SLCO1B1: variants seen among roughly 807,000 people sequenced by gnomAD.
SLCO1B1 encodes the protein solute carrier organic anion transporter family member 1B1.
Under a neutral mutation model 70.1 loss-of-function variants are expected in SLCO1B1, and 81 were observed. That is an observed-to-expected ratio of 1.16 (90% CI 0.97 to 1.39). The LOEUF (loss-of-function observed/expected upper bound fraction) is 1.39, where lower values mean the gene tolerates loss of function less well. Ranked by LOEUF, SLCO1B1 falls within the 40% of genes most tolerant of loss-of-function variation. SLCO1B1 has a pLI of 0.00. For missense variants in SLCO1B1, 895 were observed against 799.6 expected (o/e 1.12, Z -1.44); for synonymous variants, 283 against 271.5 (o/e 1.04, Z -0.42).
intron 8 of SLCO1B1, 144 bp from the exon 9 acceptor site, chr12:21,200,364 C>A: frequency 2.1e-6 from 1 of 478,842 alleles, no homozygotes; most frequent in Non-Finnish European, 3.7e-6. Context: ...TGTGAACAGC[C>A]TGTGGTATTG....
intron 1 of SLCO1B1, among the ~76,000 whole-genome samples, chr12:21,138,161 T>C (rs1201492319): frequency 1.3e-5 from 2 of 152,212 alleles, no homozygotes; most frequent in African/African-American, 4.8e-5. Context: ...TTTTCCTTTT[T>C]GCTCCTCAGT....
intron 11 of SLCO1B1, among the ~76,000 whole-genome samples, chr12:21,206,607 A>G (rs1339541816): frequency 6.6e-6 from 1 of 151,866 alleles, no homozygotes; most frequent in Admixed American, 6.6e-5. Flanking sequence ...TCTACCCAAG[A>G]TAATGTAGTA....
chr12:21,134,202 A>T (rs1940182113), intron 1 of SLCO1B1, among the ~76,000 whole-genome samples: 1 of 152,164 alleles, frequency 6.6e-6, no homozygotes, highest in Non-Finnish European at 1.5e-5. Context: ...CATGTTGGAT[A>T]AGCTTTTTGA....
At chr12:21,203,274 T>C (rs1222329192) in intron 10 of SLCO1B1, among the ~76,000 whole-genome samples, 3 of 152,072 alleles carry the variant, frequency 2.0e-5, no homozygotes, top group Admixed American at 6.6e-5. Flanking sequence ...TTAAGAAATA[T>C]TCTATATATA....
At chr12:21,152,908 A>G (rs576273876) in intron 2 of SLCO1B1, among the ~76,000 whole-genome samples, 1 of 152,140 alleles carries the variant, frequency 6.6e-6, no homozygotes, top group East Asian at 1.9e-4. Context: ...TGGAGGGAAA[A>G]CTCAAAATGT....
chr12:21,225,809 A>C (rs1941476516), intron 14 of SLCO1B1, among the ~76,000 whole-genome samples: 1 of 152,202 alleles, frequency 6.6e-6, no homozygotes, highest in Non-Finnish European at 1.5e-5. Context: ...TATGTAAAAA[A>C]TAGTACAGCC....
chr12:21,233,600 A>G (rs1166839134), intron 14 of SLCO1B1, among the ~76,000 whole-genome samples: 1 of 151,812 alleles, frequency 6.6e-6, no homozygotes, highest in Non-Finnish European at 1.5e-5. Flanking sequence ...GCCCCAAAGG[A>G]GCCAAACCAA....
chr12:21,190,527 T>C (rs1941017870), intron 7 of SLCO1B1, among the ~76,000 whole-genome samples: 1 of 152,190 alleles, frequency 6.6e-6, no homozygotes, highest in Admixed American at 6.5e-5. Flanking sequence ...TAATAACTAA[T>C]TAATTTTTAT....
intron 2 of SLCO1B1, among the ~76,000 whole-genome samples, chr12:21,146,145 T>C (rs183204795): frequency 6.6e-6 from 1 of 152,288 alleles, no homozygotes; most frequent in East Asian, 1.9e-4. Context: ...GTCCTTTTAA[T>C]ATTGTCTATT....
At chr12:21,235,902 G>T (rs1941591791) in intron 14 of SLCO1B1, among the ~76,000 whole-genome samples, 1 of 152,006 alleles carries the variant, frequency 6.6e-6, no homozygotes, top group Admixed American at 6.6e-5. Context: ...TAATGTATCT[G>T]CTGGGAAGTT....
At chr12:21,179,679 CTATCTT>C (rs1484713212) in intron 7 of SLCO1B1, among the ~76,000 whole-genome samples, 1 of 152,034 alleles carries the variant, frequency 6.6e-6, no homozygotes, top group African/African-American at 2.4e-5. Context: ...TGCACCATAT[CTATCTT>C]TATCTTCTTT....
At chr12:21,209,066 T>A (rs1941249023) in intron 11 of SLCO1B1, among the ~76,000 whole-genome samples, 1 of 151,954 alleles carries the variant, frequency 6.6e-6, no homozygotes, top group South Asian at 2.1e-4. Flanking sequence ...ATTTATTTAT[T>A]TTTAATTATA....
intron 13 of SLCO1B1, among the ~76,000 whole-genome samples, chr12:21,223,935 C>T (rs1257648697): frequency 6.6e-6 from 1 of 152,072 alleles, no homozygotes; most frequent in Non-Finnish European, 1.5e-5. Flanking sequence ...CTGTGAAAAG[C>T]CTTGCATTCT....
chr12:21,137,013 C>T (rs1101248), intron 1 of SLCO1B1, among the ~76,000 whole-genome samples: 125,044 of 152,056 alleles, frequency 0.82, 53,765 homozygotes, highest in South Asian at 0.96. Flanking sequence ...GTTTTTGGTG[C>T]GGATGTCCTT....
chr12:21,224,608 G>A (rs577528408), intron 13 of SLCO1B1, 114 bp from the exon 14 acceptor site: 13 of 721,906 alleles, frequency 1.8e-5, no homozygotes, highest in Middle Eastern at 4.0e-4. Flanking sequence ...AATAATAAAC[G>A]AATCCTCCAA....
At chr12:21,215,851 G>A (rs1941351630) in intron 11 of SLCO1B1, among the ~76,000 whole-genome samples, 1 of 152,016 alleles carries the variant, frequency 6.6e-6, no homozygotes, top group African/African-American at 2.4e-5. Context: ...GGCTTTTATT[G>A]ATAGGCAGGT....
intron 11 of SLCO1B1, among the ~76,000 whole-genome samples, chr12:21,214,978 A>C (rs956721099): frequency 2.0e-5 from 3 of 151,958 alleles, no homozygotes; most frequent in Admixed American, 1.3e-4. Flanking sequence ...CTCCCTAGTG[A>C]GATGAACCCG....
At chr12:21,207,516 C>T (rs963799959) in intron 11 of SLCO1B1, among the ~76,000 whole-genome samples, 3 of 152,004 alleles carry the variant, frequency 2.0e-5, no homozygotes, top group African/African-American at 7.2e-5. Context: ...ATATGTACCA[C>T]ATTTCTTTAT....
Position 21,141,643 on chromosome 12 carries a change from C to A in SLCO1B1, c.69C>A (p.Tyr23Ter). 1 of 1,602,278 alleles carries A rather than the reference C, an allele frequency of 6.2e-7. No individual in the cohort carries two copies. Among genetic ancestry groups the A allele is most frequent in the Non-Finnish European group, 8.5e-7 (1 of 1,170,790 alleles). Residue 23 changes from tyrosine to a stop codon, truncating the protein, a stop_gained, in exon 2 of 15, where the codon TAC becomes TAA. Transcript: ENST00000256958. LOFTEE classifies it high-confidence loss of function. ...CTTCAGAGAATAAGAAAACAAGATACTGCAATGGATTGAAGGTAGAATAAG... is the reference window on the plus strand; with the variant it reads ...CTTCAGAGAATAAGAAAACAAGATAATGCAATGGATTGAAGGTAGAATAAG... Reference protein sequence around the residue: ...AQPSENKKTRYCNGLKMFLAA... With the variant: ...AQPSENKKTR
Sources: gnomAD v4.1 joint callset for allele counts (sites outside exome capture counted in the v4.1 genomes callset) on GRCh38, gnomAD v4.1.1 for gene constraint, MANE v1.5 for transcripts, NCBI Gene and HGNC (gene_info 2026-07-23, HGNC 2026-07-21) for gene names.